Variants in PRDM11 observed in about 807,000 individuals in gnomAD.
PRDM11 encodes PR/SET domain 11.
Under a neutral mutation model 97.8 loss-of-function variants are expected in PRDM11, and 20 were observed. The ratio of observed to expected loss-of-function variants is 0.20; its 90% confidence interval spans 0.14 to 0.30. PRDM11 has a LOEUF of 0.30. Among genes scored for constraint, PRDM11 ranks in the 10% least tolerant of loss-of-function variants. The pLI, the probability that PRDM11 is intolerant of heterozygous loss-of-function variation, is 1.00. For missense variants in PRDM11, 1,139 were observed against 1,555.2 expected, an observed-to-expected ratio of 0.73 and a Z score of 4.50; for synonymous variants, 599 against 637.7, an observed-to-expected ratio of 0.94 and a Z score of 0.91.
At chr11:45,126,493 TTTAGTGC>T (rs1852576357) in intron 1 of PRDM11, among the ~76,000 whole-genome samples, 1 of 152,172 alleles carries the variant, frequency 6.6e-6, no homozygotes, top group African/African-American at 2.4e-5. Flanking sequence ...CCTTTCCATG[TTTAGTGC>T]TTCCTTCAGG....
chr11:45,226,115 C>A lies in PRDM11; in HGVS notation c.1490C>A (p.Ser497Ter). 1 of 1,533,212 alleles carries A rather than the reference C, an allele frequency of 6.5e-7. No individual in the cohort carries two copies. Among genetic ancestry groups the A allele is most frequent in the Non-Finnish European group, 8.7e-7 (1 of 1,146,058 alleles). The allele number at this position is 1,533,212 out of a possible 1,614,324, so 95.0% of individuals were successfully genotyped here. ...GCGACGGATGAGCCCTCCAAGATGT[C>A]ATCGGCCACCGGGCGCCGAATCCGG... ...MTATDEPSKM[S>*]SATGRRIRRF... Residue 497 changes from serine to a stop codon, truncating the protein, a stop_gained, in exon 8 of 8, where the codon TCA becomes TAA. Transcript: ENST00000683152. LOFTEE classifies it high-confidence loss of function.
At chr11:45,114,649 G>C (rs1282929675) in intron 1 of PRDM11, among the ~76,000 whole-genome samples, 1 of 152,080 alleles carries the variant, frequency 6.6e-6, no homozygotes, top group Non-Finnish European at 1.5e-5. Flanking sequence ...AGATCAAAGA[G>C]AGAGAAAATC....
At chr11:45,162,292 G>A (rs1851948711) in intron 1 of PRDM11, among the ~76,000 whole-genome samples, 1 of 152,054 alleles carries the variant, frequency 6.6e-6, no homozygotes, top group Admixed American at 6.6e-5. Flanking sequence ...AGCAGCCCTG[G>A]GGGCTCCAGT....
chr11:45,181,684 G>T, intron 1 of PRDM11, 77 bp from the exon 2 acceptor site: 1 of 1,235,840 alleles, frequency 8.1e-7, no homozygotes. Flanking sequence ...ACCCCCACTT[G>T]CCCTCTCCGC....
chr11:45,218,371 T>C (rs1374559676), intron 5 of PRDM11, among the ~76,000 whole-genome samples: 1 of 152,222 alleles, frequency 6.6e-6, no homozygotes, highest in Admixed American at 6.5e-5. Flanking sequence ...CTTTTAGAAA[T>C]CTGTGCCAAT....
At chr11:45,121,667 A>G (rs1852433599) in intron 1 of PRDM11, among the ~76,000 whole-genome samples, 1 of 152,182 alleles carries the variant, frequency 6.6e-6, no homozygotes, top group Admixed American at 6.5e-5. Context: ...CTTGTGGAAC[A>G]TTTACCACAA....
intron 4 of PRDM11, among the ~76,000 whole-genome samples, chr11:45,192,174 T>C (rs1056013802): frequency 6.6e-6 from 1 of 152,146 alleles, no homozygotes; most frequent in African/African-American, 2.4e-5. Flanking sequence ...ACAAAGGCCC[T>C]GGGGCACACA....
At chr11:45,123,169 C>T (rs1169649453) in intron 1 of PRDM11, among the ~76,000 whole-genome samples, 3 of 152,042 alleles carry the variant, frequency 2.0e-5, no homozygotes, top group Non-Finnish European at 4.4e-5. Flanking sequence ...TCATATCCTC[C>T]CCCCACTTTT....
chr11:45,175,353 C>T (rs1163083407), intron 1 of PRDM11, among the ~76,000 whole-genome samples: 1 of 152,202 alleles, frequency 6.6e-6, no homozygotes, highest in African/African-American at 2.4e-5. Context: ...CGTGATTTTG[C>T]CTTTTCCAGA....
Position 45,227,413 on chromosome 11 carries a change from C to A in PRDM11, c.2788C>A (p.Leu930Met), listed in dbSNP as rs1457161354. The A allele has an allele frequency of 6.5e-7, 1 of 1,533,918 alleles. No homozygotes were observed. The highest frequency in any genetic ancestry group is 1.2e-5 in the South Asian group (1 of 83,976). Residue 930 changes from leucine (L) to methionine (M), a missense_variant, in exon 8 of 8, where the codon CTG (leucine) becomes ATG (methionine). Leu to Met is a conservative substitution (Grantham distance 15). Around this residue, in one of 2 missense-constraint regions of PRDM11, gnomAD observed 710 missense variants for 1,044.9 expected, o/e 0.68. Transcript: ENST00000683152. The surrounding 1 kb of genome is among the most constrained non-coding windows in gnomAD (Gnocchi z 8.0). ...SRLADSPGEY[L>M]QEFEENFRES... ...GCTGGCTGACTCCCCGGGAGAATAC[C>A]TGCAGGAGTTCGAGGAGAATTTCCG...
chr11:45,200,347 A>C (rs1565317836), intron 4 of PRDM11, among the ~76,000 whole-genome samples: 1 of 152,104 alleles, frequency 6.6e-6, no homozygotes. Flanking sequence ...ACCACCCCAA[A>C]TTAGTAATTA....
intron 1 of PRDM11, among the ~76,000 whole-genome samples, chr11:45,121,760 G>A (rs1244301050): frequency 6.6e-6 from 1 of 152,078 alleles, no homozygotes; most frequent in Non-Finnish European, 1.5e-5. Flanking sequence ...TAACTGGAGT[G>A]GAGTTAATTA....
intron 1 of PRDM11, among the ~76,000 whole-genome samples, chr11:45,122,383 A>T (rs1313555501): frequency 6.6e-6 from 1 of 151,890 alleles, no homozygotes; most frequent in Non-Finnish European, 1.5e-5. Flanking sequence ...TTACACATGT[A>T]TACCATGTAT....
At position 45,232,232 on chromosome 11, in the gene PRDM11, C is replaced by T. The variant is rs1035807824; in HGVS notation, c.*4073C>T. ...GAGACCCTACTGTGGGCCCACAGCCCTGGCCCAGCCGGCACTGAGGGGCTG... is the reference window on the plus strand; with the variant it reads ...GAGACCCTACTGTGGGCCCACAGCCTTGGCCCAGCCGGCACTGAGGGGCTG... On this transcript the variant is annotated 3_prime_UTR_variant, in exon 8 of 8. Coordinates refer to ENST00000683152, the MANE Select transcript of PRDM11 (RefSeq NM_001384648.1). The T allele has an allele frequency of 1.3e-5, 2 of 152,222 alleles. No homozygotes were observed. The highest frequency in any genetic ancestry group is 2.9e-5 in the Non-Finnish European group (2 of 68,056). 9.4% of individuals were successfully genotyped at this position (152,222 alleles called of 1,614,324 possible).
At chr11:45,104,266 C>G (rs928881041) in intron 1 of PRDM11, among the ~76,000 whole-genome samples, 5 of 152,190 alleles carry the variant, frequency 3.3e-5, no homozygotes, top group African/African-American at 1.2e-4. Flanking sequence ...AGAAAGCAGG[C>G]ATCAGCTGGC....
At chr11:45,181,663 G>C (rs373698254) in intron 1 of PRDM11, 98 bp from the exon 2 acceptor site, 1 of 960,316 alleles carries the variant, frequency 1.0e-6, no homozygotes, top group South Asian at 1.5e-5. Context: ...AGGGTAACCA[G>C]ACTCCGCGAG....
At chr11:45,094,402 G>A (rs1243240203), upstream of PRDM11, among the ~76,000 whole-genome samples, 10 of 151,846 alleles carry the variant, frequency 6.6e-5, no homozygotes, top group Non-Finnish European at 1.3e-4. Context: ...TGCCCCAGCT[G>A]CATGGAGGGA....
In PRDM11 at chr11:45,224,309, G is replaced by C; in HGVS notation, c.835G>C (p.Gly279Arg). 2 of 1,614,122 alleles carry C rather than the reference G, an allele frequency of 1.2e-6. No homozygotes were observed. The highest frequency in any genetic ancestry group is 1.7e-6 in the Non-Finnish European group (2 of 1,180,024). Residue 279 changes from glycine (G) to arginine (R), a missense_variant, in exon 7 of 8, where the codon GGC (glycine) becomes CGC (arginine). Physicochemically the swap from Gly to Arg is moderately radical, Grantham distance 125. This residue lies in a region of PRDM11 where 429 missense variants were observed against 510.3 expected (regional missense o/e 0.84). Coordinates refer to ENST00000683152, the MANE Select transcript of PRDM11 (RefSeq NM_001384648.1). ...GPIHLSVLRQGKSPYKRGFDE... is the reference protein window; with the variant it reads ...GPIHLSVLRQRKSPYKRGFDE... ...CATTCATCTCTCTGTGCTGAGACAG[G>C]GCAAAAGTCCCTACAAGCGTGGCTT...
chr11:45,112,648 G>GTA (rs952288035), intron 1 of PRDM11, among the ~76,000 whole-genome samples: 1 of 152,166 alleles, frequency 6.6e-6, no homozygotes, highest in African/African-American at 2.4e-5. Context: ...GAGTAAGGTG[G>GTA]TATCTCATTG....
Sources: gnomAD v4.1 joint callset for allele counts (sites outside exome capture counted in the v4.1 genomes callset) on GRCh38, gnomAD v4.1.1 for gene constraint, gnomAD v4.1.1 regional missense constraint, Gnocchi (gnomAD v3.1) non-coding constraint, MANE v1.5 for transcripts, NCBI Gene and HGNC (gene_info 2026-07-23, HGNC 2026-07-21) for gene names.